The following DAB1 variants were observed in gnomAD, a reference collection of about 807,000 sequenced individuals.
The protein encoded by DAB1 is disabled homolog 1.
Under a neutral mutation model 64.6 loss-of-function variants are expected in DAB1, and 15 were observed. The ratio of observed to expected loss-of-function variants is 0.23; its 90% CI spans 0.16 to 0.36. DAB1 has a LOEUF of 0.36. DAB1 is among the 10% of genes least tolerant of loss of function. DAB1 has a pLI of 1.00. For missense variants in DAB1, 596 were observed against 706.7 expected, an observed-to-expected ratio of 0.84 and a Z score of 1.78; for synonymous variants, 235 against 251.9, an observed-to-expected ratio of 0.93 and a Z score of 0.64.
rs553954703 is a variant in DAB1, at chr1:58,200,773, A to G, written n.310-50185T>C. On this transcript the variant is annotated intron_variant and non_coding_transcript_variant, in intron 4 of 20. Coordinates refer to the DAB1 transcript ENST00000485760. ...TGTGTTGTCAGTCAGCAAATCAAGC[A>G]TTTCACCCAAAGAACCAAGCTCCAC... 1.2e-4 allele frequency among the ~76,000 whole-genome samples: 19 copies of G among 152,278 alleles called. No individual in the cohort carries two copies. In the East Asian group the frequency reaches 3.7e-3, roughly 29 times the overall value.
chr1:58,012,529 C>T (rs1406153396), intron 5 of DAB1, among the ~76,000 whole-genome samples: 2 of 152,010 alleles, frequency 1.3e-5, no homozygotes, highest in Non-Finnish European at 2.9e-5. Flanking sequence ...CAAACACAAA[C>T]ATATGTTTAA....
chr1:57,698,041 T>C (rs1324434296), intron 6 of DAB1, among the ~76,000 whole-genome samples: 1 of 152,022 alleles, frequency 6.6e-6, no homozygotes, highest in East Asian at 1.9e-4. Flanking sequence ...TAGACAGGTC[T>C]CCTTGCCTTA....
At chr1:57,632,157 A>T (rs986204370) in intron 7 of DAB1, among the ~76,000 whole-genome samples, 1 of 152,094 alleles carries the variant, frequency 6.6e-6, no homozygotes, top group South Asian at 2.1e-4. Flanking sequence ...TCTCCAAAGG[A>T]CTCTTATAAT....
At chr1:57,425,650 C>T (rs1251593267), upstream of DAB1, among the ~76,000 whole-genome samples, 1 of 152,172 alleles carries the variant, frequency 6.6e-6, no homozygotes, top group African/African-American at 2.4e-5. Context: ...GAGACAAGAA[C>T]AATTTGTAAG....
rs567150294 is a variant in DAB1, at chr1:57,604,716, G to A, written n.625+44876C>T. ...CCGCTTCACTAGGGTTCGTGTGTCAGGGAGACATGGCCACTCCTCCGCATG... is the reference window on the plus strand; with the variant it reads ...CCGCTTCACTAGGGTTCGTGTGTCAAGGAGACATGGCCACTCCTCCGCATG... On this transcript the variant is annotated intron_variant and non_coding_transcript_variant, in intron 7 of 20. Coordinates refer to the DAB1 transcript ENST00000485760. Among the ~76,000 whole-genome samples, 3 of 152,280 alleles carry A rather than the reference G, an allele frequency of 2.0e-5. No individual in the cohort carries two copies. The East Asian group carries it at 5.8e-4, about 29-fold the overall frequency.
chr1:58,304,128 A>T (rs1409350389), intron 4 of DAB1, among the ~76,000 whole-genome samples: 2 of 152,076 alleles, frequency 1.3e-5, no homozygotes, highest in Non-Finnish European at 2.9e-5. Context: ...GGCGAGAAAG[A>T]CCCTAGAGCA....
intron 5 of DAB1, among the ~76,000 whole-genome samples, chr1:57,931,354 G>A (rs1191132190): frequency 1.3e-5 from 2 of 152,112 alleles, no homozygotes; most frequent in African/African-American, 2.4e-5. Context: ...TGGTGTTGGG[G>A]TAATGGTGAC....
chr1:57,086,077 G>A (rs909083476), intron 4 of DAB1, among the ~76,000 whole-genome samples: 3 of 152,164 alleles, frequency 2.0e-5, no homozygotes, highest in Non-Finnish European at 4.4e-5. Context: ...AGTCTTTGAA[G>A]GTGACAAGAC....
At chr1:57,527,478 C>T (rs1035903886) in intron 7 of DAB1, among the ~76,000 whole-genome samples, 10 of 152,144 alleles carry the variant, frequency 6.6e-5, no homozygotes, top group African/African-American at 9.7e-5. Flanking sequence ...AGCCAAATCA[C>T]TTCCTCAAGA....
At chr1:57,099,407 A>C (rs796911526) in intron 4 of DAB1, among the ~76,000 whole-genome samples, 4 of 152,376 alleles carry the variant, frequency 2.6e-5, no homozygotes, top group African/African-American at 9.6e-5. Context: ...CTGTAGGGGT[A>C]GCAGTAAGTA....
intron 7 of DAB1, among the ~76,000 whole-genome samples, chr1:57,513,166 A>G (rs954370409): frequency 2.6e-5 from 4 of 151,452 alleles, no homozygotes; most frequent in African/African-American, 7.3e-5. Context: ...TTTCAATCAC[A>G]TGATCCATTG....
At chr1:57,776,839 A>T (rs1416661847) in intron 6 of DAB1, among the ~76,000 whole-genome samples, 1 of 151,788 alleles carries the variant, frequency 6.6e-6, no homozygotes, top group Admixed American at 6.6e-5. Flanking sequence ...TTATTTTTTT[A>T]ATAAAAAATT....
intron 2 of DAB1, among the ~76,000 whole-genome samples, chr1:57,269,552 T>C (rs1570113855): frequency 6.6e-6 from 1 of 152,144 alleles, no homozygotes; most frequent in Non-Finnish European, 1.5e-5. Context: ...TACGTAGGTA[T>C]GTCCAGGGGC....
intron 6 of DAB1, among the ~76,000 whole-genome samples, chr1:57,723,792 G>A (rs1647177618): frequency 6.6e-6 from 1 of 152,120 alleles, no homozygotes; most frequent in African/African-American, 2.4e-5. Flanking sequence ...TGCTCTCAGG[G>A]TTCTGTTAGG....
chr1:57,259,818 A>G (rs1670046890), intron 2 of DAB1, among the ~76,000 whole-genome samples: 2 of 152,222 alleles, frequency 1.3e-5, no homozygotes, highest in African/African-American at 2.4e-5. Flanking sequence ...TTAAAATTAG[A>G]AGACATCAAG....
intron 9 of DAB1, among the ~76,000 whole-genome samples, chr1:57,049,705 C>G (rs1056842076): frequency 1.6e-4 from 25 of 152,086 alleles, no homozygotes; most frequent in African/African-American, 5.8e-4. Flanking sequence ...CACATGCCTC[C>G]CCTTAACCTC....
At chr1:58,445,064 G>A (rs1234121043) in intron 3 of DAB1, among the ~76,000 whole-genome samples, 1 of 152,062 alleles carries the variant, frequency 6.6e-6, no homozygotes, top group Admixed American at 6.5e-5. Flanking sequence ...AGGTTCCCTG[G>A]GGCTAAGGGA....
At chr1:57,782,428 T>G (rs893966939) in intron 6 of DAB1, among the ~76,000 whole-genome samples, 4 of 152,176 alleles carry the variant, frequency 2.6e-5, no homozygotes, top group African/African-American at 9.7e-5. Flanking sequence ...ACCACTGATT[T>G]GTGATTTCCT....
chr1:57,329,955 A>C lies in DAB1; in HGVS notation c.-136-38789T>G, dbSNP rs576478945. Among the ~76,000 whole-genome samples, 92 of 152,332 alleles carry C rather than the reference A, an allele frequency of 6.0e-4. 1 individual carries two copies. Among genetic ancestry groups the C allele is most frequent in the Non-Finnish European group, 1.0e-3 (70 of 68,024 alleles). On this transcript the variant is annotated intron_variant, in intron 1 of 14. Transcript: ENST00000371236. ...TGCTTGAGTTAAACCACATCCCTCA[A>C]ATGAGTATTTCTGGTGCTAATTCAA...
Sources: allele counts gnomAD v4.1 joint callset (sites outside exome capture counted in the v4.1 genomes callset), GRCh38; gene constraint gnomAD v4.1.1; transcripts MANE v1.5; gene names NCBI Gene and HGNC (gene_info 2026-07-23, HGNC 2026-07-21).